The following VAV2 variants were observed in gnomAD, a reference collection of about 807,000 sequenced individuals.
The protein encoded by VAV2 is vav guanine nucleotide exchange factor 2, also known as guanine nucleotide exchange factor VAV2.
In VAV2, 67 loss-of-function variants were observed where a neutral mutation model predicts 132.5. That is an observed-to-expected ratio of 0.51 (90% CI 0.42 to 0.62). The LOEUF (loss-of-function observed/expected upper bound fraction) is 0.62. Ranked by LOEUF, VAV2 falls within the 20% of genes least tolerant of loss-of-function variation. VAV2 has a pLI of 0.00. For missense variants in VAV2, 938 were observed against 1,153.6 expected (o/e 0.81, Z 2.71); for synonymous variants, 492 against 443.5 (o/e 1.11, Z -1.37).
At chr9:133,822,385 G>T (rs1241796870) in intron 4 of VAV2, among the ~76,000 whole-genome samples, 1 of 152,204 alleles carries the variant, frequency 6.6e-6, no homozygotes, top group East Asian at 1.9e-4. Flanking sequence ...CATCCCCAGG[G>T]GACTGGGGTG....
intron 13 of VAV2, 26 bp from the exon 14 acceptor site, chr9:133,789,369 G>A (rs773902349): frequency 1.2e-6 from 2 of 1,612,118 alleles, no homozygotes; most frequent in East Asian, 4.5e-5. Context: ...GGGGCCGTCA[G>A]CCGGGGCTGG....
At position 133,958,081 on chromosome 9, in the gene VAV2, A is replaced by T. The variant is rs1436369993; in HGVS notation, c.205-18862T>A. On this transcript the variant is annotated intron_variant, in intron 1 of 29. Transcript: ENST00000371850. ...ACAAACACTGCGGAAGGCCGCAGGG[A>T]CCTCTGCCTAGGAAAGCCAGGTATT... is the stretch of plus-strand genomic sequence containing the variant. 6.3e-5 allele frequency among the ~76,000 whole-genome samples: 9 copies of T among 142,616 alleles called. No homozygotes were observed. The Admixed American group carries it at 6.4e-4, about 10-fold the overall frequency. 93.6% of individuals were successfully genotyped at this position (142,616 alleles called of 152,430 possible).
At chr9:133,906,339 C>T (rs573654837) in intron 2 of VAV2, among the ~76,000 whole-genome samples, 6 of 152,340 alleles carry the variant, frequency 3.9e-5, no homozygotes, top group East Asian at 1.9e-4. Flanking sequence ...TGGGAGGAAT[C>T]GTGGTGTTGA....
At position 133,873,712 on chromosome 9, in the gene VAV2, G is replaced by A. The variant is rs1006366215; in HGVS notation, c.322-12280C>T. Among the ~76,000 whole-genome samples, 28 of 152,340 alleles carry A rather than the reference G, an allele frequency of 1.8e-4. No homozygotes were observed. The South Asian group carries it at 2.1e-3, about 11-fold the overall frequency. On this transcript the variant is annotated intron_variant, in intron 2 of 29. Coordinates refer to ENST00000371850, the MANE Select transcript of VAV2 (RefSeq NM_001134398.2). Reference sequence around the variant, plus strand: ...CCAGGAAACTCTACAGGAATCAGTCGGGGGTCAGGGGCTGTTGGGGGGAAT... The same window carrying A: ...CCAGGAAACTCTACAGGAATCAGTCAGGGGTCAGGGGCTGTTGGGGGGAAT...
rs76715259 is a variant in VAV2, at chr9:133,957,615, G to A, written c.205-18396C>T. ...CCAGGGCAAGAGGGACGTCATCCCC[G>A]TGGGCAGAGCAGGAAATGGAGGAAT... On this transcript the variant is annotated intron_variant, in intron 1 of 29. Transcript: ENST00000371850. 9.4e-3 allele frequency among the ~76,000 whole-genome samples: 1,437 copies of A among 152,172 alleles called. 23 individuals are homozygous for A. The highest frequency in any genetic ancestry group is 0.032 in the African/African-American group (1,331 of 41,528).
intron 2 of VAV2, among the ~76,000 whole-genome samples, chr9:133,903,596 C>T (rs867705710): frequency 8.5e-5 from 13 of 152,322 alleles, no homozygotes; most frequent in Admixed American, 5.2e-4. Flanking sequence ...CAAAGTCGGA[C>T]ATGGCCTCAG....
At chr9:133,944,530 C>G (rs1299314532) in intron 1 of VAV2, among the ~76,000 whole-genome samples, 1 of 152,198 alleles carries the variant, frequency 6.6e-6, no homozygotes, top group Non-Finnish European at 1.5e-5. Flanking sequence ...AGGATGCTGA[C>G]GTGCACAACA....
chr9:133,831,567 G>A (rs976488418), intron 4 of VAV2, among the ~76,000 whole-genome samples: 2 of 152,162 alleles, frequency 1.3e-5, no homozygotes, highest in African/African-American at 2.4e-5. Flanking sequence ...TGTGGGGGCT[G>A]TAGTTCAGGA....
At chr9:133,983,114 A>G (rs111324314) in intron 1 of VAV2, among the ~76,000 whole-genome samples, 1,796 of 152,294 alleles carry the variant, frequency 0.012, 34 homozygotes, top group African/African-American at 0.04. Context: ...GGCCTCAGCT[A>G]GGGGCTCGGG....
chr9:133,770,388 GCTGGAGGCC>G lies in VAV2; in HGVS notation c.2328_2336del (p.Arg776_Ser778del), dbSNP rs753784537. On this transcript the variant is annotated inframe_deletion, in exon 27 of 30. Coordinates refer to ENST00000371850, the MANE Select transcript of VAV2 (RefSeq NM_001134398.2). ...GGGCCGGGGCGTTACCTGGGGACCG[GCTGGAGGCC>G]CTGGAGGCCGAACGTTCCCGGGACT... 30 of 1,613,916 alleles carry G rather than the reference GCTGGAGGCC, an allele frequency of 1.9e-5. No individual in the cohort carries two copies. Among genetic ancestry groups the G allele is most frequent in the Non-Finnish European group, 2.2e-5 (26 of 1,179,942 alleles).
At position 133,778,885 on chromosome 9, in the gene VAV2, G is replaced by C; in HGVS notation, c.1767C>G (p.Pro589=). The C allele has an allele frequency of 6.2e-7, 1 of 1,612,388 alleles. No individual in the cohort carries two copies. The highest frequency in any genetic ancestry group is 8.5e-7 in the Non-Finnish European group (1 of 1,179,880). ...DLDASGAGPG[P]KMVAMQNYHG... ...GGTAATTCTGCATGGCCACCATCTT[G>C]GGACCTGCAAAGGATAGGACAGCTC... The change falls in exon 22 of 30, where the codon CCC becomes CCG. Residue 589 remains proline, a synonymous_variant. Transcript: ENST00000371850.
At chr9:133,772,292 C>A (rs1377311907) in intron 25 of VAV2, among the ~76,000 whole-genome samples, 1 of 152,224 alleles carries the variant, frequency 6.6e-6, no homozygotes, top group Admixed American at 6.5e-5. Context: ...CAGCTCCCCG[C>A]CTCTCCTGGC....
chr9:133,765,423 G>A (rs1007563002), intron 29 of VAV2, among the ~76,000 whole-genome samples: 5 of 152,292 alleles, frequency 3.3e-5, no homozygotes, highest in South Asian at 4.2e-4. Context: ...AAGTGCCAAC[G>A]TCCCCATTGT....
At chr9:133,819,366 G>T (rs1448095488) in intron 4 of VAV2, among the ~76,000 whole-genome samples, 12 of 151,622 alleles carry the variant, frequency 7.9e-5, no homozygotes, top group African/African-American at 2.9e-4. Flanking sequence ...GGAGAATGGC[G>T]TGAACCCAGG....
intron 13 of VAV2, among the ~76,000 whole-genome samples, chr9:133,790,260 T>A (rs1271751596): frequency 1.3e-5 from 2 of 152,184 alleles, no homozygotes; most frequent in African/African-American, 4.8e-5. Context: ...CACTGCAACC[T>A]CTGCCTCCCG....
rs1438417639 is a variant in VAV2 at position 133,840,749 on chromosome 9, A to G, written c.381-6409T>C. On this transcript the variant is annotated intron_variant, in intron 3 of 29. Coordinates refer to ENST00000371850, the MANE Select transcript of VAV2 (RefSeq NM_001134398.2). This position sits in a 1 kb window ranked among gnomAD's most constrained non-coding sequence, Gnocchi z 4.5. ...GATTCAGGGAGAAGGAACAGCTTGA[A>G]TCTCGCTTTGGGATAATAAATCAGG... Among the ~76,000 whole-genome samples the G allele has an allele frequency of 1.3e-5, 2 of 152,150 alleles. No homozygotes were observed. The highest frequency in any genetic ancestry group is 2.4e-5 in the African/African-American group (1 of 41,432).
intron 1 of VAV2, among the ~76,000 whole-genome samples, chr9:133,941,362 C>T (rs936598986): frequency 6.6e-6 from 1 of 151,380 alleles, no homozygotes; most frequent in Admixed American, 6.6e-5. Context: ...GAGCCGAGAT[C>T]GCACCACTGC....
At chr9:133,784,210 TCAGGGCCTCCCA>T in intron 18 of VAV2, 95 bp downstream of exon 18, 1 of 1,284,380 alleles carries the variant, frequency 7.8e-7, no homozygotes, top group Non-Finnish European at 1.1e-6. Context: ...CCTTAACCCC[TCAGGGCCTCCCA>T]CAGGGAACAT....
At chr9:133,814,228 G>A (rs1835469400) in intron 4 of VAV2, among the ~76,000 whole-genome samples, 1 of 152,148 alleles carries the variant, frequency 6.6e-6, no homozygotes, top group Non-Finnish European at 1.5e-5. Context: ...TCCGGCGACT[G>A]CCTTAGAAAC....
Sources: gnomAD v4.1 joint callset for allele counts (sites outside exome capture counted in the v4.1 genomes callset) on GRCh38, gnomAD v4.1.1 for gene constraint, Gnocchi (gnomAD v3.1) non-coding constraint, MANE v1.5 for transcripts, NCBI Gene and HGNC (gene_info 2026-07-23, HGNC 2026-07-21) for gene names.